The following TEX11 variants were observed in gnomAD, a reference collection of about 807,000 sequenced individuals.
TEX11 encodes the protein testis expressed 11.
In TEX11, 7 loss-of-function variants were observed where a neutral mutation model predicts 84.4. The observed-to-expected ratio is 0.08, with a 90% confidence interval of 0.05 to 0.16. The LOEUF (loss-of-function observed/expected upper bound fraction) is 0.16. TEX11 is among the 10% of genes least tolerant of loss of function. The pLI, the probability that TEX11 is intolerant of heterozygous loss-of-function variation, is 1.00. For synonymous variants in TEX11, 264 were observed against 222.8 expected (o/e 1.18, Z -1.64); for missense variants, 551 against 660.5 (o/e 0.83, Z 1.82).
intron 9 of TEX11, among the ~76,000 whole-genome samples, chrX:70,792,656 T>C (rs747985289): frequency 1.5e-3 from 161 of 108,869 alleles, no homozygotes; most frequent in African/African-American, 5.3e-3. Context: ...GGTAGCTAAA[T>C]TAACAAAGAA....
intron 8 of TEX11, among the ~76,000 whole-genome samples, chrX:70,825,661 A>G (rs898841252): frequency 1.8e-5 from 2 of 112,182 alleles, no homozygotes; most frequent in Non-Finnish European, 3.8e-5. Context: ...GCATACAAGA[A>G]TTGACGAAAT....
At chrX:70,788,957 TATATATATATATATATAGAGAGAGAG>T (rs1220758703) in intron 9 of TEX11, among the ~76,000 whole-genome samples, 1 of 43,082 alleles carries the variant, frequency 2.3e-5, no homozygotes, top group Non-Finnish European at 4.0e-5. Context: ...TATATATATA[TATATATATATATATATAGAGAGAGAG>T]AGAGAGAGAG....
At chrX:70,789,192 G>T (rs1485715904) in intron 9 of TEX11, among the ~76,000 whole-genome samples, 1 of 105,105 alleles carries the variant, frequency 9.5e-6, no homozygotes, top group Non-Finnish European at 1.9e-5. Flanking sequence ...AAAAAAAAAA[G>T]TTGGCAAGAA....
chrX:70,777,453 A>T (rs1382923457), intron 9 of TEX11, among the ~76,000 whole-genome samples: 1 of 111,365 alleles, frequency 9.0e-6, no homozygotes, highest in African/African-American at 3.3e-5. Context: ...GTTCGAGACC[A>T]GCCTGACCAA....
intron 7 of TEX11, among the ~76,000 whole-genome samples, chrX:70,848,757 T>C (rs2091492356): frequency 9.0e-6 from 1 of 111,699 alleles, no homozygotes; most frequent in African/African-American, 3.3e-5. Context: ...CTTGATATAA[T>C]AGAGAAAGCT....
intron 24 of TEX11, among the ~76,000 whole-genome samples, chrX:70,603,535 C>T (rs1407543160): frequency 5.6e-5 from 6 of 107,143 alleles, no homozygotes; most frequent in African/African-American, 2.0e-4. Flanking sequence ...TTCCTTACAC[C>T]TTATACAAAA....
chrX:70,867,169 G>A (rs190491423), intron 4 of TEX11, among the ~76,000 whole-genome samples: 6 of 112,003 alleles, frequency 5.4e-5, no homozygotes, highest in Non-Finnish European at 1.1e-4. Flanking sequence ...AGCAACTTCA[G>A]CAAAGTCTCA....
intron 9 of TEX11, among the ~76,000 whole-genome samples, chrX:70,798,029 G>C (rs1229583983): frequency 5.0e-5 from 5 of 100,883 alleles, no homozygotes; most frequent in Non-Finnish European, 1.0e-4. Context: ...CAAGATGAGG[G>C]GGGGGGAAAG....
chrX:70,810,837 C>T (rs1418621330), intron 8 of TEX11, among the ~76,000 whole-genome samples: 1 of 109,966 alleles, frequency 9.1e-6, no homozygotes, highest in Non-Finnish European at 1.9e-5. Flanking sequence ...CAGTGACAAC[C>T]TGAGCTAAAA....
chrX:70,822,951 G>GA (rs2091325742), intron 8 of TEX11, among the ~76,000 whole-genome samples: 1 of 109,639 alleles, frequency 9.1e-6, no homozygotes, highest in Non-Finnish European at 1.9e-5. Flanking sequence ...TCACCTTCAT[G>GA]ATGCAAACAC....
At chrX:70,591,166 A>G (rs1170912780) in intron 25 of TEX11, among the ~76,000 whole-genome samples, 4 of 112,044 alleles carry the variant, frequency 3.6e-5, no homozygotes, top group Admixed American at 9.5e-5. Flanking sequence ...CTAGTGATCT[A>G]AGATTGATAA....
chrX:70,518,805 T>C, the TEX11 span, among the ~76,000 whole-genome samples: 1 of 112,158 alleles, frequency 8.9e-6, no homozygotes, highest in Non-Finnish European at 1.9e-5. Context: ...TGGGTGCTCC[T>C]GTATTGGGTG....
intron 25 of TEX11, among the ~76,000 whole-genome samples, chrX:70,573,021 A>G (rs1251306556): frequency 1.8e-5 from 2 of 111,701 alleles, no homozygotes; most frequent in African/African-American, 6.5e-5. Flanking sequence ...AATAAATAAA[A>G]TTTCCAGATT....
At chrX:70,569,845 C>T (rs1210099214) in intron 25 of TEX11, among the ~76,000 whole-genome samples, 1 of 111,658 alleles carries the variant, frequency 9.0e-6, no homozygotes, top group Non-Finnish European at 1.9e-5. Flanking sequence ...TTAGGCTGCT[C>T]GGGGGTCGGT....
At chrX:70,812,051 T>C (rs1435514127) in intron 8 of TEX11, among the ~76,000 whole-genome samples, 1 of 111,641 alleles carries the variant, frequency 9.0e-6, no homozygotes, top group Non-Finnish European at 1.9e-5. Flanking sequence ...TTTGTCAGTT[T>C]TGGCTTTTGT....
chrX:70,666,347 A>C (rs969804134), intron 16 of TEX11, among the ~76,000 whole-genome samples: 1 of 112,011 alleles, frequency 8.9e-6, no homozygotes, highest in Non-Finnish European at 1.9e-5. Flanking sequence ...TGCAATGAAG[A>C]AGCATGAAAA....
At chrX:70,542,598 G>A (rs966533484) in intron 28 of TEX11, among the ~76,000 whole-genome samples, 16 of 111,910 alleles carry the variant, frequency 1.4e-4, no homozygotes, top group Non-Finnish European at 9.4e-5. Context: ...AATTGCTGTT[G>A]GAGGTTGTAC....
intron 4 of TEX11, among the ~76,000 whole-genome samples, chrX:70,861,835 C>A (rs2091571985): frequency 9.0e-6 from 1 of 110,971 alleles, no homozygotes; most frequent in African/African-American, 3.3e-5. Flanking sequence ...ACTAAAAATA[C>A]CTGATTCCAC....
chrX:70,897,612 GA>G (rs2091776493), intron 2 of TEX11: 1 of 26,339 alleles, frequency 3.8e-5, no homozygotes, highest in African/African-American at 1.8e-4. Context: ...AAGAAAAAAG[GA>G]AGGAAGGAAG....
Sources: allele counts gnomAD v4.1 joint callset (sites outside exome capture counted in the v4.1 genomes callset), GRCh38; gene constraint gnomAD v4.1.1; transcripts MANE v1.5; gene names NCBI Gene and HGNC (gene_info 2026-07-23, HGNC 2026-07-21).